The following CSPG4 variants were observed in gnomAD, a reference collection of about 807,000 sequenced individuals.
CSPG4 encodes chondroitin sulfate proteoglycan 4 (melanoma-associated).
A neutral mutation model predicts 139.3 loss-of-function variants in CSPG4; 74 were observed. That is an observed-to-expected ratio of 0.53 (90% confidence interval 0.44 to 0.64). CSPG4 has a LOEUF of 0.64. CSPG4 is among the 30% of genes least tolerant of loss of function. The pLI, the probability that CSPG4 is intolerant of heterozygous loss-of-function variation, is 0.00. For synonymous variants in CSPG4, 1,234 were observed against 1,394.2 expected, an observed-to-expected ratio of 0.89 and a Z score of 2.56; for missense variants, 2,565 against 3,148.3, an observed-to-expected ratio of 0.81 and a Z score of 4.43.
intron 1 of CSPG4, among the ~76,000 whole-genome samples, chr15:75,706,016 T>C (rs1894366507): frequency 1.3e-5 from 2 of 152,226 alleles, no homozygotes; most frequent in African/African-American, 4.8e-5. Flanking sequence ...TCTGTGTGTG[T>C]GTGGCTAGGC....
chr15:75,682,221 A>G (rs531202591), intron 8 of CSPG4, 72 bp downstream of exon 8: 183 of 1,534,864 alleles, frequency 1.2e-4, no homozygotes, highest in Non-Finnish European at 1.5e-4. Flanking sequence ...CCATGTCCAC[A>G]TGATGTCCAT....
At chr15:75,709,611 C>T (rs1370343454) in intron 1 of CSPG4, among the ~76,000 whole-genome samples, 1 of 152,172 alleles carries the variant, frequency 6.6e-6, no homozygotes, top group African/African-American at 2.4e-5. Context: ...GTGTGTGTGC[C>T]CACATCTGTG....
intron 1 of CSPG4, among the ~76,000 whole-genome samples, chr15:75,705,372 T>G (rs1894356653): frequency 6.6e-6 from 1 of 152,172 alleles, no homozygotes. Context: ...GAATCTTCCT[T>G]AAACACTCCT....
At chr15:75,697,162 C>G (rs1345153648) in intron 1 of CSPG4, among the ~76,000 whole-genome samples, 3 of 152,264 alleles carry the variant, frequency 2.0e-5, no homozygotes, top group Middle Eastern at 3.4e-3. Context: ...CCTTCTGAGT[C>G]CTCAGAAGGC....
chr15:75,701,845 C>T (rs1349663649), intron 1 of CSPG4, among the ~76,000 whole-genome samples: 4 of 152,208 alleles, frequency 2.6e-5, no homozygotes, highest in Non-Finnish European at 5.9e-5. Flanking sequence ...CGTGAAGGCC[C>T]GACTGTCCAC....
chr15:75,693,937 C>T (rs1894195495), intron 1 of CSPG4, among the ~76,000 whole-genome samples: 1 of 152,218 alleles, frequency 6.6e-6, no homozygotes, highest in Non-Finnish European at 1.5e-5. Flanking sequence ...AGATGGGGAC[C>T]ATGTGCAGTG....
At chr15:75,699,345 T>G (rs1338656121) in intron 1 of CSPG4, among the ~76,000 whole-genome samples, 2 of 152,246 alleles carry the variant, frequency 1.3e-5, no homozygotes, top group African/African-American at 4.8e-5. Flanking sequence ...TAGTTGCCTT[T>G]CTGGTCCCTT....
intron 1 of CSPG4, among the ~76,000 whole-genome samples, chr15:75,701,952 TC>T (rs1033994094): frequency 6.6e-6 from 1 of 152,162 alleles, no homozygotes; most frequent in Non-Finnish European, 1.5e-5. Context: ...ATCCATCCAG[TC>T]CCCAAATTCT....
chr15:75,677,517 G>T, intron 9 of CSPG4, 133 bp from the exon 10 acceptor site: 1 of 1,218,238 alleles, frequency 8.2e-7, no homozygotes, highest in Non-Finnish European at 1.1e-6. Flanking sequence ...GTGGGGCTCA[G>T]GGTTCCCAGG....
Position 75,688,863 on chromosome 15 carries a change from C to T in CSPG4, c.2202G>A (p.Arg734=). ...EWWATQAFHQ[R]DVEQGRVRYL... is the part of the protein sequence containing the mutation. ...ACCTCACGCGGCCCTGCTCCACATC[C>T]CGCTGGTGGAACGCCTGTGTGGCCC... is the stretch of plus-strand genomic sequence containing the variant. The change falls in exon 3 of 10, where the codon CGG becomes CGA. Residue 734 remains arginine, a synonymous_variant. Transcript: ENST00000308508. The T allele has an allele frequency of 5.6e-6, 9 of 1,612,434 alleles. No individual in the cohort carries two copies. The highest frequency in any genetic ancestry group is 6.8e-6 in the Non-Finnish European group (8 of 1,179,954).
chr15:75,678,738 A>G (rs1006200671), intron 8 of CSPG4: 2 of 456,188 alleles, frequency 4.4e-6, no homozygotes, highest in African/African-American at 4.0e-5. Flanking sequence ...TTCAAAAAGC[A>G]TAGTCCACGC....
intron 1 of CSPG4, among the ~76,000 whole-genome samples, chr15:75,697,099 G>A (rs976994223): frequency 6.6e-6 from 1 of 151,732 alleles, no homozygotes; most frequent in African/African-American, 2.4e-5. Flanking sequence ...GGCCAGGGCC[G>A]GGTCTCAGGC....
chr15:75,694,472 C>T lies in CSPG4; in HGVS notation c.89-1239G>A, dbSNP rs147495890. Among the ~76,000 whole-genome samples, 4 of 152,350 alleles carry T rather than the reference C, an allele frequency of 2.6e-5. No individual in the cohort carries two copies. In the East Asian group the frequency reaches 7.7e-4, roughly 29 times the overall value. On this transcript the variant is annotated intron_variant, in intron 1 of 9. Transcript: ENST00000308508. ...ATTCCTGTTGGGCTTCCCTCAAACC[C>T]GAGAGCGAGCACAGGCTGACGGCCT...
intron 1 of CSPG4, among the ~76,000 whole-genome samples, chr15:75,693,489 C>T (rs1394125453): frequency 6.6e-6 from 1 of 152,244 alleles, no homozygotes; most frequent in Non-Finnish European, 1.5e-5. Context: ...TTCCCAGCAA[C>T]TCAGGTCTCC....
chr15:75,693,149 G>A lies in CSPG4; in HGVS notation c.173C>T (p.Ser58Phe), dbSNP rs1894186800. The A allele has an allele frequency of 1.9e-6, 3 of 1,602,398 alleles. No homozygotes were observed. Among genetic ancestry groups the A allele is most frequent in the African/African-American group, 2.7e-5 (2 of 74,784 alleles). ...DIDLQLQFST[S>F]QPEALLLLAA... is the part of the protein sequence containing the mutation. The stretch of plus-strand genomic sequence containing the variant: ...CAGGAGAAGGAGGGCTTCGGGCTGG[G>A]ACGTGGAGAACTGCAGCTGCAGGTC... The change falls in exon 2 of 10, where the codon TCC (serine) becomes TTC (phenylalanine). Residue 58 changes from serine (S) to phenylalanine (F), a missense_variant. This residue lies in a region of CSPG4 where 30 missense variants were observed against 60.1 expected (regional missense o/e 0.50). Coordinates refer to ENST00000308508, the MANE Select transcript of CSPG4 (RefSeq NM_001897.5).
intron 2 of CSPG4, among the ~76,000 whole-genome samples, chr15:75,692,392 T>C (rs1894176714): frequency 6.6e-6 from 1 of 152,154 alleles, no homozygotes; most frequent in Admixed American, 6.5e-5. Flanking sequence ...AGTGGTGGGA[T>C]TATAGGCATG....
At position 75,677,880 on chromosome 15, in the gene CSPG4, C is replaced by T. The variant is rs151034414; in HGVS notation, c.4957G>A (p.Ala1653Thr). 36 of 1,607,706 alleles carry T rather than the reference C, an allele frequency of 2.2e-5. No homozygotes were observed. The highest frequency in any genetic ancestry group is 2.9e-5 in the Non-Finnish European group (34 of 1,177,056). Residue 1653 changes from alanine to threonine, a missense_variant, in exon 9 of 10, where the codon GCT (alanine) becomes ACT (threonine). By Grantham distance (58) the Ala-to-Thr change is moderately conservative. Coordinates refer to ENST00000308508, the MANE Select transcript of CSPG4 (RefSeq NM_001897.5). ...LVNFTQAEVY[A>T]GNILYEHEMP... ...TCATGCTCATACAGAATATTCCCAG[C>T]GTAGACCTAGGGGAGACACCATCGT...
intron 1 of CSPG4, among the ~76,000 whole-genome samples, chr15:75,695,171 A>C (rs969546340): frequency 2.0e-5 from 3 of 151,996 alleles, no homozygotes; most frequent in Admixed American, 1.3e-4. Context: ...CCCACAGAGA[A>C]GGGGGCACAT....
In CSPG4 at chr15:75,696,026, C is replaced by A. The variant is rs1472752628; in HGVS notation, c.89-2793G>T. Among the ~76,000 whole-genome samples, 1 of 152,146 alleles carries A rather than the reference C, an allele frequency of 6.6e-6. No homozygotes were observed. Among genetic ancestry groups the A allele is most frequent in the African/African-American group, 2.4e-5 (1 of 41,424 alleles). ...AGACATTGGCACAGGCTGGATCAGA[C>A]CTGCCGTTGATTCTCCTGGGTCAAG... On this transcript the variant is annotated intron_variant, in intron 1 of 9. Transcript: ENST00000308508. The surrounding 1 kb of genome is among the most constrained non-coding windows in gnomAD (Gnocchi z 4.2).
Sources: allele counts gnomAD v4.1 joint callset (sites outside exome capture counted in the v4.1 genomes callset), GRCh38; gene constraint gnomAD v4.1.1; regional missense constraint gnomAD v4.1.1; non-coding constraint Gnocchi (gnomAD v3.1); transcripts MANE v1.5; gene names NCBI Gene and HGNC (gene_info 2026-07-23, HGNC 2026-07-21).